Variants in MRPL45 observed in about 807,000 individuals in gnomAD.
The protein encoded by MRPL45 is large ribosomal subunit protein mL45.
MRPL45 carries 20 observed loss-of-function variants against 38.1 expected under a neutral mutation model. That is an observed-to-expected ratio of 0.53 (90% CI 0.37 to 0.76). The LOEUF is 0.76. Among genes scored for constraint, MRPL45 ranks in the 30% least tolerant of loss-of-function variants. MRPL45 has a pLI of 0.00. For synonymous variants in MRPL45, 105 were observed against 128.8 expected (o/e 0.82, Z 1.25); for missense variants, 337 against 395.6 (o/e 0.85, Z 1.26).
rs7219916 is a variant in MRPL45, at chr17:38,320,537, G to A, written c.511-81G>A. ...GCTGCCTGTTGGCTGTAGTCTTGCA[G>A]GAAGTGAGAGCAGTGTGGCAGCACC... On this transcript the variant is annotated intron_variant, in intron 5 of 7. Coordinates refer to ENST00000613675, the MANE Select transcript of MRPL45 (RefSeq NM_032351.6). 6.7e-3 allele frequency: 9,835 copies of A among 1,459,530 alleles called. 498 individuals are homozygous for A. In the African/African-American group the frequency reaches 0.12, roughly 17 times the overall value. The allele number at this position is 1,459,530 out of a possible 1,614,324, so 90.4% of individuals were successfully genotyped here.
intron 4 of MRPL45, among the ~76,000 whole-genome samples, chr17:38,310,130 CTTT>C (rs71135802): frequency 1.6e-5 from 2 of 122,252 alleles, no homozygotes; most frequent in African/African-American, 3.2e-5. Context: ...TTAGAATTTT[CTTT>C]TTTTTTTTTT....
At chr17:38,311,207 C>T (rs2037108481) in intron 4 of MRPL45, among the ~76,000 whole-genome samples, 1 of 152,144 alleles carries the variant, frequency 6.6e-6, no homozygotes, top group Non-Finnish European at 1.5e-5. Flanking sequence ...TGGTAACCTC[C>T]ATTCTACTTT....
At chr17:38,302,506 G>GTTTTTTT (rs1187786944) in intron 3 of MRPL45, among the ~76,000 whole-genome samples, 1 of 39,082 alleles carries the variant, frequency 2.6e-5, no homozygotes, top group African/African-American at 5.9e-5. Flanking sequence ...AAAAAAAAAA[G>GTTTTTTT]TTTGTTTTTT....
chr17:38,321,119 G>A (rs1184659772), intron 6 of MRPL45, among the ~76,000 whole-genome samples: 1 of 152,058 alleles, frequency 6.6e-6, no homozygotes, highest in African/African-American at 2.4e-5. Flanking sequence ...GGGACTACAG[G>A]GGCACGCAAC....
intron 5 of MRPL45, among the ~76,000 whole-genome samples, chr17:38,318,997 T>TTTTATTTATTTATTTA (rs575783313): frequency 1.6e-5 from 2 of 127,452 alleles, no homozygotes; most frequent in Non-Finnish European, 3.2e-5. Flanking sequence ...CCAGCTAATT[T>TTTTATTTATTTATTTA]TTTATTTATT....
chr17:38,304,060 A>G (rs1048698108), intron 3 of MRPL45, among the ~76,000 whole-genome samples: 8 of 152,234 alleles, frequency 5.3e-5, no homozygotes, highest in African/African-American at 1.9e-4. Flanking sequence ...GAAAGGCTGC[A>G]TGGTGGATAA....
At chr17:38,306,859 C>T (rs573892696) in intron 4 of MRPL45, among the ~76,000 whole-genome samples, 2 of 152,258 alleles carry the variant, frequency 1.3e-5, no homozygotes, top group South Asian at 4.1e-4. Flanking sequence ...TGTCTCAGTT[C>T]CACCTGCAAG....
chr17:38,315,649 A>C (rs2037166074), intron 4 of MRPL45, among the ~76,000 whole-genome samples: 1 of 150,928 alleles, frequency 6.6e-6, no homozygotes, highest in Admixed American at 6.6e-5. Flanking sequence ...AATTTCTTTC[A>C]GTTTATCTTG....
intron 4 of MRPL45, among the ~76,000 whole-genome samples, chr17:38,311,306 G>A (rs1382370533): frequency 1.3e-5 from 2 of 152,140 alleles, no homozygotes; most frequent in African/African-American, 4.8e-5. Context: ...AACCCCCAAG[G>A]TGATGGTATA....
intron 4 of MRPL45, among the ~76,000 whole-genome samples, chr17:38,313,851 C>T (rs557941074): frequency 6.6e-5 from 10 of 151,306 alleles, no homozygotes; most frequent in East Asian, 4.0e-4. Context: ...TTAGTAGAGA[C>T]GGGGTTTCAC....
chr17:38,300,201 A>C (rs1170628013), intron 3 of MRPL45, among the ~76,000 whole-genome samples: 1 of 151,780 alleles, frequency 6.6e-6, no homozygotes, highest in Non-Finnish European at 1.5e-5. Context: ...TATTTTTAGT[A>C]AAGACGGGGT....
intron 3 of MRPL45, among the ~76,000 whole-genome samples, chr17:38,303,926 C>T (rs1171455102): frequency 1.3e-5 from 2 of 152,122 alleles, no homozygotes; most frequent in Non-Finnish European, 2.9e-5. Flanking sequence ...GGGGTTTCAC[C>T]ATGTTGGTCA....
intron 3 of MRPL45, among the ~76,000 whole-genome samples, chr17:38,305,903 A>G (rs1226040412): frequency 6.6e-6 from 1 of 151,354 alleles, no homozygotes; most frequent in East Asian, 2.0e-4. Flanking sequence ...TCGGCCTCCC[A>G]AAGTGCTGGG....
In MRPL45 at chr17:38,309,483, C is replaced by T. The variant is rs189264268; in HGVS notation, c.461+2852C>T. Among the ~76,000 whole-genome samples the T allele has an allele frequency of 6.0e-5, 9 of 150,020 alleles. No homozygotes were observed. The South Asian group carries it at 1.9e-3, about 32-fold the overall frequency. Reference sequence around the variant, plus strand: ...GTTGCTTTGAGCCGAGATCGTGCAGCTGCACTCAAGCCACGACAACAGAGC... The same window carrying T: ...GTTGCTTTGAGCCGAGATCGTGCAGTTGCACTCAAGCCACGACAACAGAGC... On this transcript the variant is annotated intron_variant, in intron 4 of 7. Transcript: ENST00000613675.
rs140255020 is a variant in MRPL45 at position 38,299,823 on chromosome 17, G to A, written c.362+355G>A. ...ACGATCTTGGCTCACCGCAACCTCCGCCTCCTGGATTCAAATGATCCTCCT... is the reference window on the plus strand; with the variant it reads ...ACGATCTTGGCTCACCGCAACCTCCACCTCCTGGATTCAAATGATCCTCCT... On this transcript the variant is annotated intron_variant, in intron 3 of 7. Transcript: ENST00000613675. Among the ~76,000 whole-genome samples the A allele has an allele frequency of 2.8e-3, 429 of 151,478 alleles. 2 individuals are homozygous for A. The highest frequency in any genetic ancestry group is 9.2e-3 in the African/African-American group (378 of 41,234).
Position 38,299,486 on chromosome 17 carries a change from T to C in MRPL45, c.362+18T>C, listed in dbSNP as rs778484915. 3 of 1,568,816 alleles carry C rather than the reference T, an allele frequency of 1.9e-6. No individual in the cohort carries two copies. Among genetic ancestry groups the C allele is most frequent in the East Asian group, 2.2e-5 (1 of 44,510 alleles). On this transcript the variant is annotated intron_variant, in intron 3 of 7. Coordinates refer to ENST00000613675, the MANE Select transcript of MRPL45 (RefSeq NM_032351.6). ...CAAGTGTCGTAGGTGTCTGAGACAATTGGGTATTGGTATTAGAATAACAAT... is the reference window on the plus strand; with the variant it reads ...CAAGTGTCGTAGGTGTCTGAGACAACTGGGTATTGGTATTAGAATAACAAT...
At chr17:38,298,797 C>A (rs1490964943) in intron 2 of MRPL45, among the ~76,000 whole-genome samples, 171 bp downstream of exon 2, 4 of 152,114 alleles carry the variant, frequency 2.6e-5, no homozygotes, top group African/African-American at 7.2e-5. Context: ...TTTGAACTTA[C>A]TTTCACACTG....
chr17:38,305,687 G>C (rs1272215717), intron 3 of MRPL45, among the ~76,000 whole-genome samples: 1 of 145,628 alleles, frequency 6.9e-6, no homozygotes, highest in Non-Finnish European at 1.5e-5. Flanking sequence ...CTGTGACCCA[G>C]GCTGGAATGC....
At chr17:38,316,052 G>T (rs1306489312) in intron 4 of MRPL45, among the ~76,000 whole-genome samples, 2 of 152,158 alleles carry the variant, frequency 1.3e-5, no homozygotes, top group East Asian at 1.9e-4. Context: ...TGGGATTACA[G>T]GTATGAGCCA....
Sources: gnomAD v4.1 joint callset for allele counts (sites outside exome capture counted in the v4.1 genomes callset) on GRCh38, gnomAD v4.1.1 for gene constraint, MANE v1.5 for transcripts, NCBI Gene and HGNC (gene_info 2026-07-23, HGNC 2026-07-21) for gene names.